KANK4: variants seen among roughly 807,000 people sequenced by gnomAD.
KANK4 encodes the protein KN motif and ankyrin repeat domains 4.
In KANK4, 50 loss-of-function variants were observed where a neutral mutation model predicts 80.8. The ratio of observed to expected loss-of-function variants is 0.62; its 90% CI spans 0.49 to 0.78. The LOEUF is 0.78. Among genes scored for constraint, KANK4 ranks in the 30% least tolerant of loss-of-function variants. KANK4 has a pLI of 0.00. For synonymous variants in KANK4, 465 were observed against 506.9 expected (o/e 0.92, Z 1.11); for missense variants, 1,196 against 1,240.1 (o/e 0.96, Z 0.53).
Position 62,306,805 on chromosome 1 carries a change from T to C in KANK4, c.-71+12301A>G, listed in dbSNP as rs549232295. 5.9e-5 allele frequency among the ~76,000 whole-genome samples: 9 copies of C among 152,254 alleles called. No homozygotes were observed. The East Asian group carries it at 1.7e-3, about 29-fold the overall frequency. ...CACATTATTTAGAGGAATAGTAATA[T>C]AATATAACATAATAATAATTTCTTT... On this transcript the variant is annotated intron_variant, in intron 1 of 9. Transcript: ENST00000371153.
At chr1:62,290,399 G>A (rs1672654317) in intron 1 of KANK4, among the ~76,000 whole-genome samples, 2 of 152,130 alleles carry the variant, frequency 1.3e-5, no homozygotes, top group South Asian at 4.1e-4. Flanking sequence ...CAGCTGCATG[G>A]GCTTTGAGGT....
intron 3 of KANK4, chr1:62,272,471 A>T (rs1191255404): frequency 6.6e-6 from 1 of 152,376 alleles, no homozygotes; most frequent in Non-Finnish European, 1.5e-5. Context: ...AAGCCCAGGA[A>T]GAGGTCTGGA....
At position 62,258,659 on chromosome 1, in the gene KANK4, A is replaced by G. The variant is rs1016336564; in HGVS notation, c.2539+4433T>C. The stretch of plus-strand genomic sequence containing the variant: ...CAGACGTTTTCACTCAACACCTACT[A>G]GGAACCAGGAACTGGTCTAGGTGTT... On this transcript the variant is annotated intron_variant, in intron 7 of 9. Transcript: ENST00000371153. 4.6e-5 allele frequency among the ~76,000 whole-genome samples: 7 copies of G among 152,248 alleles called. 1 individual carries two copies. The highest frequency in any genetic ancestry group is 1.3e-4 in the Admixed American group (2 of 15,288).
chr1:62,259,515 G>A (rs770230168), intron 7 of KANK4, among the ~76,000 whole-genome samples: 47 of 152,046 alleles, frequency 3.1e-4, no homozygotes, highest in Non-Finnish European at 4.9e-4. Context: ...GAGCCTAAGC[G>A]GTTCACCCGC....
intron 2 of KANK4, among the ~76,000 whole-genome samples, chr1:62,278,731 C>G (rs7551135): frequency 0.27 from 40,892 of 151,634 alleles, 6,035 homozygotes; most frequent in East Asian, 0.57. Context: ...CTTGCTCCCC[C>G]ACCTTCCCAT....
intron 1 of KANK4, among the ~76,000 whole-genome samples, chr1:62,284,667 G>A (rs1672522970): frequency 6.6e-6 from 1 of 152,140 alleles, no homozygotes; most frequent in African/African-American, 2.4e-5. Flanking sequence ...CCACTGTTCA[G>A]AACCTTTAAA....
chr1:62,245,960 C>T (rs1017897084), intron 9 of KANK4, among the ~76,000 whole-genome samples: 7 of 152,014 alleles, frequency 4.6e-5, no homozygotes, highest in Non-Finnish European at 8.8e-5. Flanking sequence ...GATGATGGAA[C>T]GTTAAGGGTA....
chr1:62,245,602 C>T (rs1671446499), intron 9 of KANK4, among the ~76,000 whole-genome samples: 1 of 152,136 alleles, frequency 6.6e-6, no homozygotes. Flanking sequence ...GGAGTCAGAC[C>T]TGGGCTTGAA....
At chr1:62,258,957 C>A (rs1383834135) in intron 7 of KANK4, among the ~76,000 whole-genome samples, 1 of 151,988 alleles carries the variant, frequency 6.6e-6, no homozygotes, top group Non-Finnish European at 1.5e-5. Flanking sequence ...GAGGGAATGA[C>A]CTTGGTGAGT....
rs142660787 is a variant in KANK4, at chr1:62,273,260, G to T, written c.1844C>A (p.Ser615Ter). 6.4e-7 allele frequency: 1 copy of T among 1,551,522 alleles called. No individual in the cohort carries two copies. The highest frequency in any genetic ancestry group is 8.7e-7 in the Non-Finnish European group (1 of 1,147,616). Residue 615 changes from serine (S) to a stop codon, truncating the protein, a stop_gained, in exon 3 of 10, where the codon TCG becomes TAG. Transcript: ENST00000371153. LOFTEE classifies it high-confidence loss of function. ...CTCCTTGGGTGGGTGAGCCTGGGCC[G>T]AGTAGGCCGACAGCAGCAGGTTGAG... ...SSLNLLLSAY[S>*]AQAHPPKEPP... is the part of the protein sequence containing the mutation.
intron 1 of KANK4, among the ~76,000 whole-genome samples, chr1:62,306,581 T>C (rs2149170219): frequency 6.6e-6 from 1 of 152,266 alleles, no homozygotes; most frequent in Admixed American, 6.5e-5. Flanking sequence ...CATTATTTTA[T>C]TATTATCATT....
chr1:62,264,693 G>A (rs1258204991), intron 6 of KANK4, among the ~76,000 whole-genome samples: 1 of 152,134 alleles, frequency 6.6e-6, no homozygotes, highest in Non-Finnish European at 1.5e-5. Context: ...CAGAATCAGT[G>A]GAATCTTTTG....
chr1:62,297,127 G>A (rs1644372946), intron 1 of KANK4, among the ~76,000 whole-genome samples: 1 of 152,108 alleles, frequency 6.6e-6, no homozygotes, highest in Non-Finnish European at 1.5e-5. Flanking sequence ...TGAGGCAGGA[G>A]AATAGCTTGA....
intron 9 of KANK4, 112 bp downstream of exon 9, chr1:62,247,360 G>A (rs569364128): frequency 7.7e-4 from 662 of 858,304 alleles, no homozygotes; most frequent in Admixed American, 1.5e-3. Context: ...GGCTGGTCTC[G>A]AACTCCTGGG....
chr1:62,268,555 C>T (rs1312307277), intron 4 of KANK4, 50 bp from the exon 5 acceptor site: 1 of 1,470,678 alleles, frequency 6.8e-7, no homozygotes, highest in Non-Finnish European at 9.5e-7. Flanking sequence ...GCCCAGTGCC[C>T]ATGTCAACAC....
intron 1 of KANK4, among the ~76,000 whole-genome samples, chr1:62,281,963 A>T (rs1672460265): frequency 6.6e-6 from 1 of 152,190 alleles, no homozygotes; most frequent in African/African-American, 2.4e-5. Flanking sequence ...TGCTAGTATC[A>T]GACCCAGGCT....
intron 5 of KANK4, among the ~76,000 whole-genome samples, chr1:62,267,757 G>A (rs1270136884): frequency 1.4e-4 from 21 of 149,950 alleles, no homozygotes; most frequent in African/African-American, 5.0e-4. Context: ...AGCCGAGATC[G>A]TGCCACTTCA....
rs1672242917 is a variant in KANK4 at position 62,274,105 on chromosome 1, G to A, written c.999C>T (p.Gly333=). 5 of 1,614,156 alleles carry A rather than the reference G, an allele frequency of 3.1e-6. No homozygotes were observed. The highest frequency in any genetic ancestry group is 4.2e-6 in the Non-Finnish European group (5 of 1,180,030). ...IGIRVTEESL[G]LARVDPGSIS... is the part of the protein sequence containing the mutation. ...TGCTGCCTGGATCCACCCTGGCAAG[G>A]CCCAGGCTTTCCTCAGTTACCCTGA... The change falls in exon 3 of 10, where the codon GGC becomes GGT. Residue 333 remains glycine, a synonymous_variant. Transcript: ENST00000371153.
intron 9 of KANK4, among the ~76,000 whole-genome samples, chr1:62,241,829 AAC>A (rs527501373): frequency 1.1e-3 from 171 of 152,250 alleles, no homozygotes; most frequent in African/African-American, 4.0e-3. Flanking sequence ...CCTCTATGTA[AAC>A]ACAGAGTATG....
Sources: gnomAD v4.1 joint callset for allele counts (sites outside exome capture counted in the v4.1 genomes callset) on GRCh38, gnomAD v4.1.1 for gene constraint, MANE v1.5 for transcripts, NCBI Gene and HGNC (gene_info 2026-07-23, HGNC 2026-07-21) for gene names.